The following DCDC1 variants were observed in gnomAD, a reference collection of about 807,000 sequenced individuals.
The protein encoded by DCDC1 is doublecortin domain-containing protein 1.
DCDC1 carries 200 observed loss-of-function variants against 178.3 expected under a neutral mutation model. The ratio of observed to expected loss-of-function variants is 1.12; its 90% CI spans 1.00 to 1.26. The LOEUF is 1.26. DCDC1 is among the 50% of genes most tolerant of loss of function. The probability of loss-of-function intolerance (pLI) is 0.00; values close to 1 mark genes in which losing one functional copy is unlikely to be tolerated. For synonymous variants in DCDC1, 690 were observed against 604.8 expected, an observed-to-expected ratio of 1.14 and a Z score of -2.07; for missense variants, 1,983 against 1,749.2, an observed-to-expected ratio of 1.13 and a Z score of -2.38.
chr11:31,101,380 T>C (rs1327797885), intron 15 of DCDC1, among the ~76,000 whole-genome samples: 1 of 151,814 alleles, frequency 6.6e-6, no homozygotes, highest in African/African-American at 2.4e-5. Flanking sequence ...AAAAAAAACA[T>C]CTTCTTTACT....
At chr11:30,866,910 T>A (rs1941034155) in intron 38 of DCDC1, among the ~76,000 whole-genome samples, 1 of 152,134 alleles carries the variant, frequency 6.6e-6, no homozygotes, top group Non-Finnish European at 1.5e-5. Flanking sequence ...AAAAAGGGCA[T>A]GTGGGAGTGG....
Position 30,985,483 on chromosome 11 carries a change from T to G in DCDC1, c.2592-32915A>C, listed in dbSNP as rs139559660. Among the ~76,000 whole-genome samples, 16 of 152,296 alleles carry G rather than the reference T, an allele frequency of 1.1e-4. No individual in the cohort carries two copies. The East Asian group carries it at 3.1e-3, about 29-fold the overall frequency. On this transcript the variant is annotated intron_variant, in intron 20 of 38. Transcript: ENST00000684477. Reference sequence around the variant, plus strand: ...ATTTATAAGTTTTTAAAAATTAAGATATAATTCACATAAAGTAAAATGTGC... The same window carrying G: ...ATTTATAAGTTTTTAAAAATTAAGAGATAATTCACATAAAGTAAAATGTGC...
At chr11:30,878,509 T>A (rs574174174) in intron 38 of DCDC1, 35 bp downstream of exon 38, 4 of 1,434,370 alleles carry the variant, frequency 2.8e-6, no homozygotes, top group East Asian at 2.6e-5. Flanking sequence ...AATCATAATG[T>A]CATAACAAAC....
chr11:31,249,734 TA>T (rs1304608725), intron 8 of DCDC1, among the ~76,000 whole-genome samples: 1 of 152,180 alleles, frequency 6.6e-6, no homozygotes, highest in Non-Finnish European at 1.5e-5. Flanking sequence ...GCAAGAGACC[TA>T]AATTGTTACA....
chr11:30,979,799 G>A (rs992667051), intron 20 of DCDC1, among the ~76,000 whole-genome samples: 2 of 152,194 alleles, frequency 1.3e-5, no homozygotes, highest in African/African-American at 2.4e-5. Context: ...AAGTGTGACT[G>A]TCATAAAAGA....
chr11:30,944,208 C>T, intron 21 of DCDC1: 3 of 420,384 alleles, frequency 7.1e-6, no homozygotes, highest in South Asian at 5.2e-5. Context: ...CCTTCCTTCT[C>T]CTTTATTCAT....
intron 9 of DCDC1, among the ~76,000 whole-genome samples, chr11:31,210,955 T>C (rs763918264): frequency 3.3e-5 from 5 of 152,190 alleles, no homozygotes; most frequent in Non-Finnish European, 5.9e-5. Context: ...TCTATTACCC[T>C]GGAATCTATT....
intron 9 of DCDC1, among the ~76,000 whole-genome samples, chr11:31,165,127 CATAGAT>C (rs1391377259): frequency 6.6e-6 from 1 of 152,146 alleles, no homozygotes; most frequent in East Asian, 1.9e-4. Context: ...AATAGTCAGT[CATAGAT>C]ATCAAATTGC....
chr11:30,999,182 C>A (rs569670299), intron 20 of DCDC1, among the ~76,000 whole-genome samples: 2 of 152,180 alleles, frequency 1.3e-5, no homozygotes, highest in Admixed American at 6.5e-5. Flanking sequence ...AGTGTGGTAT[C>A]CTGGATTAAA....
chr11:31,141,194 A>T (rs897460805), intron 9 of DCDC1, among the ~76,000 whole-genome samples: 3 of 152,232 alleles, frequency 2.0e-5, no homozygotes, highest in Admixed American at 6.5e-5. Flanking sequence ...TTGTGTAAAA[A>T]TTTTAACATG....
intron 1 of DCDC1, among the ~76,000 whole-genome samples, chr11:31,340,396 G>A (rs1028443699): frequency 7.2e-5 from 11 of 152,108 alleles, no homozygotes; most frequent in African/African-American, 2.7e-4. Flanking sequence ...GGATTTAAAA[G>A]GCTAGGTAAC....
Position 30,894,305 on chromosome 11 carries a change from G to T in DCDC1, c.4845C>A (p.Gly1615=). 6.2e-7 allele frequency: 1 copy of T among 1,613,836 alleles called. No individual in the cohort carries two copies. Among genetic ancestry groups the T allele is most frequent in the Non-Finnish European group, 8.5e-7 (1 of 1,179,812 alleles). Reference sequence around the variant, plus strand: ...TTTCCTGTTGAGTCTGTTCGGTCCAGCCTCCTTCAACCACCACGGGCTGCA... The same window carrying T: ...TTTCCTGTTGAGTCTGTTCGGTCCATCCTCCTTCAACCACCACGGGCTGCA... ...SPVQPVVVEG[G]WTEQTQQEIK... The change falls in exon 35 of 39, where the codon GGC becomes GGA. Residue 1615 remains glycine, a synonymous_variant. Coordinates refer to ENST00000684477, the MANE Select transcript of DCDC1 (RefSeq NM_001387274.1).
At chr11:30,904,823 A>G (rs934754486) in intron 31 of DCDC1, 138 bp downstream of exon 31, 19 of 904,722 alleles carry the variant, frequency 2.1e-5, no homozygotes, top group Non-Finnish European at 2.9e-5. Flanking sequence ...GTAAACAGAG[A>G]TCTTCATCTC....
At position 31,305,614 on chromosome 11, in the gene DCDC1, C is replaced by T. The variant is rs1403432729; in HGVS notation, c.754+1G>A. The T allele has an allele frequency of 6.2e-7, 1 of 1,612,680 alleles. No homozygotes were observed. The highest frequency in any genetic ancestry group is 1.1e-5 in the South Asian group (1 of 90,956). ...TAGGGTATTTTTTAGATCTTTTTTA[C>T]CTTTAATTTTTTTGAATGGATTTAA... is the stretch of plus-strand genomic sequence containing the variant. On this transcript the variant is annotated splice_donor_variant, in intron 6 of 38. Transcript: ENST00000684477. LOFTEE classifies it high-confidence loss of function.
chr11:30,940,898 T>C (rs1233301504), intron 21 of DCDC1, among the ~76,000 whole-genome samples: 5 of 152,208 alleles, frequency 3.3e-5, no homozygotes, highest in Non-Finnish European at 7.3e-5. Context: ...TAAATTTCCT[T>C]CAAGTATGCT....
At chr11:31,013,947 G>A (rs1340708362) in intron 20 of DCDC1, among the ~76,000 whole-genome samples, 2 of 152,154 alleles carry the variant, frequency 1.3e-5, no homozygotes, top group African/African-American at 2.4e-5. Context: ...ACTTGTGGTA[G>A]GCACCCTCTA....
At chr11:31,046,168 T>C (rs1954825057) in intron 20 of DCDC1, among the ~76,000 whole-genome samples, 1 of 152,204 alleles carries the variant, frequency 6.6e-6, no homozygotes, top group Non-Finnish European at 1.5e-5. Flanking sequence ...TCTATAATTA[T>C]GTTATTTCAT....
At chr11:31,138,695 C>T (rs980179829) in intron 9 of DCDC1, among the ~76,000 whole-genome samples, 1 of 152,164 alleles carries the variant, frequency 6.6e-6, no homozygotes, top group Non-Finnish European at 1.5e-5. Context: ...TAAGCTTTCT[C>T]AATTGTATGC....
chr11:30,877,624 T>C (rs550504297), intron 38 of DCDC1, among the ~76,000 whole-genome samples: 49 of 152,274 alleles, frequency 3.2e-4, no homozygotes, highest in African/African-American at 1.1e-3. Flanking sequence ...TGGGCACATA[T>C]TGGGAATTGC....
Sources: allele counts gnomAD v4.1 joint callset (sites outside exome capture counted in the v4.1 genomes callset), GRCh38; gene constraint gnomAD v4.1.1; transcripts MANE v1.5; gene names NCBI Gene and HGNC (gene_info 2026-07-23, HGNC 2026-07-21).